Variants in EXOC6B observed in about 807,000 individuals in gnomAD.
EXOC6B encodes the protein SEC15 homolog B.
In EXOC6B, 54 loss-of-function variants were observed where a neutral mutation model predicts 113.5. The ratio of observed to expected loss-of-function variants is 0.48; its 90% CI spans 0.38 to 0.60. The LOEUF is 0.60. Ranked by LOEUF, EXOC6B falls within the 20% of genes least tolerant of loss-of-function variation. EXOC6B has a pLI of 0.00. For missense variants in EXOC6B, 797 were observed against 977.5 expected, an observed-to-expected ratio of 0.82 and a Z score of 2.46; for synonymous variants, 357 against 339.0, an observed-to-expected ratio of 1.05 and a Z score of -0.58.
chr2:72,436,110 C>G (rs368595178), intron 18 of EXOC6B, among the ~76,000 whole-genome samples: 10 of 152,170 alleles, frequency 6.6e-5, no homozygotes, highest in African/African-American at 2.4e-4. Flanking sequence ...CAAAATCCCT[C>G]AGCATTTGCT....
At chr2:72,660,617 C>T (rs927300460) in intron 6 of EXOC6B, among the ~76,000 whole-genome samples, 2 of 152,174 alleles carry the variant, frequency 1.3e-5, no homozygotes, top group African/African-American at 4.8e-5. Context: ...TGTGATTTAG[C>T]TCATTTCCTG....
intron 8 of EXOC6B, among the ~76,000 whole-genome samples, chr2:72,553,534 T>C (rs1161753132): frequency 2.0e-5 from 3 of 151,972 alleles, no homozygotes; most frequent in Non-Finnish European, 4.4e-5. Context: ...TTTTATACCA[T>C]CTATATTTTG....
chr2:72,588,968 C>T (rs1705756225), intron 6 of EXOC6B, among the ~76,000 whole-genome samples: 2 of 151,818 alleles, frequency 1.3e-5, no homozygotes, highest in Non-Finnish European at 2.9e-5. Flanking sequence ...GGGTTAATTG[C>T]ACTTACTTGA....
chr2:72,513,038 C>T, intron 11 of EXOC6B, 94 bp downstream of exon 11: 2 of 1,413,690 alleles, frequency 1.4e-6, no homozygotes, highest in Non-Finnish European at 1.9e-6. Flanking sequence ...TGAGTGATTC[C>T]AAAGACATAC....
chr2:72,675,449 C>T (rs564359104), intron 6 of EXOC6B, among the ~76,000 whole-genome samples: 30 of 152,246 alleles, frequency 2.0e-4, no homozygotes, highest in African/African-American at 4.8e-4. Flanking sequence ...GATCCCCTGA[C>T]GCAGTTTCAA....
Position 72,220,572 on chromosome 2 carries a change from A to G in EXOC6B, c.2197-36385T>C, listed in dbSNP as rs560077110. On this transcript the variant is annotated intron_variant, in intron 20 of 21. Coordinates refer to ENST00000272427, the MANE Select transcript of EXOC6B (RefSeq NM_015189.3). Reference sequence around the variant, plus strand: ...AAAGTGATCTAGGCTTGTATTTCGGATCTTCAGGCTATATATTTCATCCCT... The same window carrying G: ...AAAGTGATCTAGGCTTGTATTTCGGGTCTTCAGGCTATATATTTCATCCCT... Among the ~76,000 whole-genome samples, 8 of 152,264 alleles carry G rather than the reference A, an allele frequency of 5.3e-5. No homozygotes were observed. The East Asian group carries it at 1.5e-3, about 29-fold the overall frequency.
At chr2:72,332,610 G>C (rs186598105) in intron 20 of EXOC6B, among the ~76,000 whole-genome samples, 1 of 152,160 alleles carries the variant, frequency 6.6e-6, no homozygotes, top group South Asian at 2.1e-4. Context: ...GGTGGAACTT[G>C]CTGCTTTAGG....
rs143700958 is a variant in EXOC6B, at chr2:72,519,801, T to A, written c.916-4675A>T. 1.5e-3 allele frequency among the ~76,000 whole-genome samples: 227 copies of A among 152,284 alleles called. 1 individual carries two copies. Among genetic ancestry groups the A allele is most frequent in the African/African-American group, 5.3e-3 (221 of 41,560 alleles). ...AGTGCCAAGTGTTTGGGAACTGACA[T>A]ATTTGCGTCTATAGCTTAAGAGAAT... On this transcript the variant is annotated intron_variant, in intron 8 of 21. Transcript: ENST00000272427.
chr2:72,313,780 T>A (rs1301693652), intron 20 of EXOC6B, among the ~76,000 whole-genome samples: 1 of 152,184 alleles, frequency 6.6e-6, no homozygotes, highest in Non-Finnish European at 1.5e-5. Context: ...ATGAAATTTT[T>A]AAAAAAATCA....
intron 11 of EXOC6B, among the ~76,000 whole-genome samples, chr2:72,508,635 A>C (rs1277665747): frequency 1.3e-5 from 2 of 152,024 alleles, no homozygotes; most frequent in African/African-American, 4.8e-5. Context: ...TTAGTCGGGC[A>C]TGGTGGCAGG....
intron 6 of EXOC6B, among the ~76,000 whole-genome samples, chr2:72,608,757 A>G (rs13426691): frequency 0.029 from 4,393 of 152,210 alleles, 212 homozygotes; most frequent in African/African-American, 0.099. Context: ...CAAAAAGTGA[A>G]AAAAAATTAT....
intron 1 of EXOC6B, among the ~76,000 whole-genome samples, chr2:72,805,206 T>C (rs1293482959): frequency 2.6e-5 from 4 of 152,220 alleles, no homozygotes; most frequent in Admixed American, 1.3e-4. Flanking sequence ...TGTGAAATGA[T>C]GTGAGAAATA....
chr2:72,418,882 C>A (rs1308312230), intron 18 of EXOC6B, among the ~76,000 whole-genome samples: 1 of 152,032 alleles, frequency 6.6e-6, no homozygotes, highest in Non-Finnish European at 1.5e-5. Flanking sequence ...GACCTTCTGT[C>A]CCCCCCTTAT....
At chr2:72,766,827 G>A (rs148708895) in intron 1 of EXOC6B, among the ~76,000 whole-genome samples, 9 of 151,672 alleles carry the variant, frequency 5.9e-5, no homozygotes, top group East Asian at 3.9e-4. Context: ...AGTGGTGCGC[G>A]TCTGTAATCC....
intron 6 of EXOC6B, among the ~76,000 whole-genome samples, chr2:72,642,917 A>T (rs1673374394): frequency 6.7e-6 from 1 of 148,842 alleles, no homozygotes; most frequent in Non-Finnish European, 1.5e-5. Flanking sequence ...CAAATTTACA[A>T]GAAAAAAACA....
intron 8 of EXOC6B, among the ~76,000 whole-genome samples, chr2:72,518,230 T>C (rs1389649329): frequency 6.6e-6 from 1 of 152,172 alleles, no homozygotes; most frequent in Non-Finnish European, 1.5e-5. Context: ...CAAATAGATA[T>C]AAAACAATAA....
intron 6 of EXOC6B, among the ~76,000 whole-genome samples, chr2:72,585,202 T>A (rs774259315): frequency 2.0e-5 from 3 of 151,916 alleles, no homozygotes; most frequent in African/African-American, 4.8e-5. Flanking sequence ...AAAAGATCAA[T>A]GAAATTAAAA....
chr2:72,455,091 A>G (rs1335346860), intron 18 of EXOC6B, among the ~76,000 whole-genome samples: 1 of 152,172 alleles, frequency 6.6e-6, no homozygotes, highest in African/African-American at 2.4e-5. Context: ...TCTTGGATCT[A>G]CCTATGTAAT....
chr2:72,631,568 G>A (rs1170571002), intron 6 of EXOC6B, among the ~76,000 whole-genome samples: 1 of 149,340 alleles, frequency 6.7e-6, no homozygotes, highest in Non-Finnish European at 1.5e-5. Context: ...ACAATGGCAC[G>A]ATCACTGCTT....
Sources: allele counts gnomAD v4.1 joint callset (sites outside exome capture counted in the v4.1 genomes callset), GRCh38; gene constraint gnomAD v4.1.1; transcripts MANE v1.5; gene names NCBI Gene and HGNC (gene_info 2026-07-23, HGNC 2026-07-21).